PHF21B: variants seen among roughly 807,000 people sequenced by gnomAD.
PHF21B encodes PHD finger protein 4.
Under a neutral mutation model 62.2 loss-of-function variants are expected in PHF21B, and 22 were observed. The ratio of observed to expected loss-of-function variants is 0.35; its 90% CI spans 0.25 to 0.51. The LOEUF is 0.51. PHF21B is among the 20% of genes least tolerant of loss of function. The probability of loss-of-function intolerance (pLI) is 0.97; values close to 1 mark genes in which losing one functional copy is unlikely to be tolerated. For missense variants in PHF21B, 701 were observed against 707.9 expected, an observed-to-expected ratio of 0.99 and a Z score of 0.11; for synonymous variants, 341 against 314.7, an observed-to-expected ratio of 1.08 and a Z score of -0.88.
chr22:44,904,084 AT>A (rs1388687224), intron 5 of PHF21B, among the ~76,000 whole-genome samples: 1 of 151,822 alleles, frequency 6.6e-6, no homozygotes, highest in Non-Finnish European at 1.5e-5. Context: ...GTGGCATTAC[AT>A]TTTTTTCACT....
At chr22:44,952,948 G>C (rs1217998846) in intron 2 of PHF21B, among the ~76,000 whole-genome samples, 1 of 152,218 alleles carries the variant, frequency 6.6e-6, no homozygotes, top group Non-Finnish European at 1.5e-5. Flanking sequence ...TGTGTGCTGG[G>C]CTGCCCTGTG....
intron 2 of PHF21B, among the ~76,000 whole-genome samples, chr22:44,995,789 C>A (rs2073110620): frequency 6.7e-6 from 1 of 148,304 alleles, no homozygotes; most frequent in Non-Finnish European, 1.5e-5. Flanking sequence ...ATGACCCCCC[C>A]GCCCCCCACC....
chr22:44,893,846 G>A (rs1254863833), intron 6 of PHF21B, among the ~76,000 whole-genome samples: 1 of 152,054 alleles, frequency 6.6e-6, no homozygotes, highest in African/African-American at 2.4e-5. Flanking sequence ...GCCGTTATTG[G>A]GGACCCACAG....
At chr22:44,995,530 C>T (rs1021219223) in intron 2 of PHF21B, among the ~76,000 whole-genome samples, 1 of 152,130 alleles carries the variant, frequency 6.6e-6, no homozygotes, top group Non-Finnish European at 1.5e-5. Context: ...CCAGCTCCTC[C>T]CCTCCCAGGA....
At chr22:44,891,438 A>ACT in intron 7 of PHF21B, 78 bp from the exon 8 acceptor site, 1 of 1,535,116 alleles carries the variant, frequency 6.5e-7, no homozygotes, top group Non-Finnish European at 8.9e-7. Context: ...CCAGGTCAGG[A>ACT]CTCTCTCTGG....
intron 5 of PHF21B, among the ~76,000 whole-genome samples, chr22:44,906,415 A>C (rs889626735): frequency 6.6e-6 from 1 of 152,210 alleles, no homozygotes; most frequent in Non-Finnish European, 1.5e-5. Flanking sequence ...TGAGACAGGA[A>C]GGAGGGCTGG....
At chr22:44,965,005 G>A (rs5766239) in intron 2 of PHF21B, among the ~76,000 whole-genome samples, 103,432 of 152,100 alleles carry the variant, frequency 0.68, 37,926 homozygotes, top group East Asian at 0.89. Context: ...GCCTGGGGCA[G>A]GGGCATCTCA....
intron 2 of PHF21B, among the ~76,000 whole-genome samples, chr22:44,972,816 C>T (rs1276028793): frequency 6.6e-6 from 1 of 152,184 alleles, no homozygotes; most frequent in Non-Finnish European, 1.5e-5. Flanking sequence ...TGTCCGTCCC[C>T]CTACAGACAG....
chr22:44,960,078 T>A (rs915944249), intron 2 of PHF21B, among the ~76,000 whole-genome samples: 2 of 152,152 alleles, frequency 1.3e-5, no homozygotes, highest in African/African-American at 4.8e-5. Flanking sequence ...TGAGCATTCC[T>A]CACTGCACAC....
Position 44,933,363 on chromosome 22 carries a change from G to T in PHF21B, c.121-12873C>A, listed in dbSNP as rs62232247. On this transcript the variant is annotated intron_variant, in intron 2 of 12. Transcript: ENST00000313237. Reference sequence around the variant, plus strand: ...CGCCATCAGGGGATCCGTCCGCCTCGGCCTCCGAAAGTGATGGGATTACAG... The same window carrying T: ...CGCCATCAGGGGATCCGTCCGCCTCTGCCTCCGAAAGTGATGGGATTACAG... 1,009 of 725,706 alleles carry T rather than the reference G, an allele frequency of 1.4e-3. 1 individual carries two copies. The highest frequency in any genetic ancestry group is 5.7e-3 in the Admixed American group (90 of 15,924). 45.0% of individuals were successfully genotyped at this position (725,706 alleles called of 1,614,324 possible). A position where few individuals can be genotyped will look rare whatever the true frequency, so the allele number is the denominator to read the frequency against.
At position 45,007,533 on chromosome 22, in the gene PHF21B, G is replaced by C. The variant is rs1257588057; in HGVS notation, c.120+1012C>G. On this transcript the variant is annotated intron_variant, in intron 2 of 12. Transcript: ENST00000313237. ...CCGAAGGAAACGCGATCGATGGCCG[G>C]GGGCGCGGCGCGGGCGGGGGCGGGG... 1.5e-4 allele frequency among the ~76,000 whole-genome samples: 22 copies of C among 144,642 alleles called. No individual in the cohort carries two copies. The South Asian group carries it at 4.4e-3, about 29-fold the overall frequency. 94.9% of individuals were successfully genotyped at this position (144,642 alleles called of 152,430 possible). A position where few individuals can be genotyped will look rare whatever the true frequency, so the allele number is the denominator to read the frequency against.
At chr22:44,980,368 G>T (rs1027087525) in intron 2 of PHF21B, among the ~76,000 whole-genome samples, 1 of 152,190 alleles carries the variant, frequency 6.6e-6, no homozygotes, top group Non-Finnish European at 1.5e-5. Flanking sequence ...AACATGTAGC[G>T]ATGTGGACAC....
At chr22:44,948,691 G>GA (rs143726909) in intron 2 of PHF21B, among the ~76,000 whole-genome samples, 16,525 of 126,674 alleles carry the variant, frequency 0.13, 1,078 homozygotes, top group African/African-American at 0.2. Context: ...ACTCTGTCTG[G>GA]AAAAAAAAAA....
chr22:44,948,726 G>A (rs2072130006), intron 2 of PHF21B, among the ~76,000 whole-genome samples: 1 of 151,354 alleles, frequency 6.6e-6, no homozygotes, highest in Non-Finnish European at 1.5e-5. Context: ...GAGAAAACCC[G>A]GCTTCACAAA....
intron 2 of PHF21B, among the ~76,000 whole-genome samples, chr22:44,927,800 G>C (rs1272356507): frequency 6.6e-6 from 1 of 152,114 alleles, no homozygotes; most frequent in Non-Finnish European, 1.5e-5. Flanking sequence ...TCTCAGACTC[G>C]ATTTCACCAG....
At chr22:44,964,139 A>G (rs909253173) in intron 2 of PHF21B, among the ~76,000 whole-genome samples, 3 of 152,218 alleles carry the variant, frequency 2.0e-5, no homozygotes, top group African/African-American at 7.2e-5. Context: ...AAACAGATGA[A>G]TATCTGTACG....
At position 44,885,933 on chromosome 22, in the gene PHF21B, T is replaced by C. The variant is rs375197015; in HGVS notation, c.1203A>G (p.Leu401=). Residue 401 remains leucine, a synonymous_variant, in exon 11 of 13, where the codon TTA becomes TTG. Transcript: ENST00000313237. The stretch of plus-strand genomic sequence containing the variant: ...TCCAGGGCACACCCTCGTCTTTCTT[T>C]AAGGCCTGGGGAGCAGACGGGGAGA... ...WVCPRCQQKA[L]KKDEGVPWTG... is the part of the protein sequence containing the mutation. The C allele has an allele frequency of 1.1e-5, 17 of 1,613,878 alleles. No individual in the cohort carries two copies. Among genetic ancestry groups the C allele is most frequent in the Non-Finnish European group, 1.4e-5 (17 of 1,179,972 alleles).
At chr22:44,959,121 G>A (rs899517870) in intron 2 of PHF21B, among the ~76,000 whole-genome samples, 2 of 152,074 alleles carry the variant, frequency 1.3e-5, no homozygotes, top group Admixed American at 6.6e-5. Context: ...TCTCAGATCC[G>A]GTTTCTGTTT....
intron 2 of PHF21B, among the ~76,000 whole-genome samples, chr22:44,954,708 C>T (rs1267210177): frequency 6.6e-6 from 1 of 152,240 alleles, no homozygotes; most frequent in African/African-American, 2.4e-5. Context: ...AAGGCACCAA[C>T]ATCCATCTCT....
Sources: allele counts gnomAD v4.1 joint callset (sites outside exome capture counted in the v4.1 genomes callset), GRCh38; gene constraint gnomAD v4.1.1; transcripts MANE v1.5; gene names NCBI Gene and HGNC (gene_info 2026-07-23, HGNC 2026-07-21).